The following LOC400499 variants were observed in gnomAD, a reference collection of about 807,000 sequenced individuals.
the LOC400499 span, among the ~76,000 whole-genome samples, chr16:11,417,151 T>C: frequency 6.6e-6 from 1 of 152,084 alleles, no homozygotes; most frequent in East Asian, 1.9e-4. Flanking sequence ...ATGACTTTAT[T>C]TAAAAATAAG....
the LOC400499 span, among the ~76,000 whole-genome samples, chr16:11,489,266 C>T: frequency 6.6e-6 from 1 of 152,190 alleles, no homozygotes; most frequent in Middle Eastern, 3.2e-3. Flanking sequence ...AATCCTAGTT[C>T]CACCATGTAC....
chr16:11,385,541 T>C, the LOC400499 span: 1 of 570,490 alleles, frequency 1.8e-6, no homozygotes, highest in Non-Finnish European at 2.6e-6. Context: ...GAGGCCTGGA[T>C]TCCCCCTCCC....
the LOC400499 span, among the ~76,000 whole-genome samples, chr16:11,522,790 C>T: frequency 2.0e-5 from 3 of 152,088 alleles, no homozygotes; most frequent in African/African-American, 7.2e-5. Context: ...GGTTGTTATT[C>T]TGATCTTTAT....
the LOC400499 span, among the ~76,000 whole-genome samples, chr16:11,519,164 A>C: frequency 6.6e-6 from 1 of 152,148 alleles, no homozygotes; most frequent in African/African-American, 2.4e-5. Context: ...TGAAATAATC[A>C]AGTACCTACA....
the LOC400499 span, among the ~76,000 whole-genome samples, chr16:11,485,953 G>A: frequency 6.6e-6 from 1 of 152,222 alleles, no homozygotes; most frequent in African/African-American, 2.4e-5. Context: ...ACAGATGGGA[G>A]GGTGGGTATG....
chr16:11,491,515 G>C, the LOC400499 span, among the ~76,000 whole-genome samples: 5 of 152,122 alleles, frequency 3.3e-5, no homozygotes, highest in Non-Finnish European at 5.9e-5. Context: ...ATTGCCATGT[G>C]GGGGAGGGGA....
chr16:11,401,203 G>C, the LOC400499 span: 115 of 398,914 alleles, frequency 2.9e-4, no homozygotes, highest in African/African-American at 2.0e-3. Flanking sequence ...CAGCCCCACA[G>C]GCTCAGTCAC....
the LOC400499 span, chr16:11,476,649 C>A: frequency 5.9e-6 from 2 of 341,678 alleles, no homozygotes; most frequent in Non-Finnish European, 4.8e-6. Context: ...TCCCCTTGTG[C>A]ACACGCAGAC....
At chr16:11,460,690 G>A in the LOC400499 span, 1,487 of 1,448,346 alleles carry the variant, frequency 1.0e-3, 4 homozygotes, top group Non-Finnish European at 1.3e-3. Flanking sequence ...GGAGGGCCCG[G>A]CCCAGCCTGG....
the LOC400499 span, among the ~76,000 whole-genome samples, chr16:11,423,838 GC>G: frequency 1.3e-5 from 2 of 152,216 alleles, no homozygotes; most frequent in African/African-American, 2.4e-5. Context: ...CTGCAGCCTG[GC>G]CCATGTGGGC....
At chr16:11,438,415 C>G in the LOC400499 span, among the ~76,000 whole-genome samples, 1 of 152,034 alleles carries the variant, frequency 6.6e-6, no homozygotes, top group East Asian at 1.9e-4. Flanking sequence ...CAGAGCCATT[C>G]TCGGGCTCCA....
At chr16:11,420,296 G>C in the LOC400499 span, among the ~76,000 whole-genome samples, 6 of 151,872 alleles carry the variant, frequency 4.0e-5, no homozygotes, top group African/African-American at 7.3e-5. Flanking sequence ...CCTTTGTAGG[G>C]ACATGGATGA....
the LOC400499 span, among the ~76,000 whole-genome samples, chr16:11,525,879 T>A: frequency 6.6e-6 from 1 of 152,206 alleles, no homozygotes; most frequent in Non-Finnish European, 1.5e-5. Context: ...TAACCAAGGA[T>A]GGGAAAACAC....
chr16:11,517,977 A>C, the LOC400499 span, among the ~76,000 whole-genome samples: 2 of 152,194 alleles, frequency 1.3e-5, no homozygotes, highest in African/African-American at 4.8e-5. Context: ...TCCAGCTCCA[A>C]CTGAAGCCTG....
chr16:11,394,219 C>A, the LOC400499 span, among the ~76,000 whole-genome samples: 1 of 152,228 alleles, frequency 6.6e-6, no homozygotes, highest in Non-Finnish European at 1.5e-5. Context: ...AGGCACTGGG[C>A]AGCTTACCTA....
the LOC400499 span, among the ~76,000 whole-genome samples, chr16:11,527,250 T>C: frequency 6.6e-6 from 1 of 152,158 alleles, no homozygotes; most frequent in African/African-American, 2.4e-5. Flanking sequence ...AGGAATCTTT[T>C]TCCCCAAAGA....
the LOC400499 span, chr16:11,450,869 C>G: frequency 2.4e-5 from 35 of 1,489,300 alleles, no homozygotes; most frequent in East Asian, 7.5e-5. Flanking sequence ...AGAGAGGAAG[C>G]TTCTAGCAGG....
the LOC400499 span, among the ~76,000 whole-genome samples, chr16:11,394,459 T>G: frequency 6.6e-6 from 1 of 152,226 alleles, no homozygotes; most frequent in Non-Finnish European, 1.5e-5. Context: ...CCAAGATCTG[T>G]AAAATGATAC....
At chr16:11,513,460 C>A in the LOC400499 span, among the ~76,000 whole-genome samples, 3 of 151,452 alleles carry the variant, frequency 2.0e-5, no homozygotes, top group East Asian at 5.8e-4. Context: ...GAGATGGAGT[C>A]TTACTCTATC....
Sources: allele counts gnomAD v4.1 joint callset (sites outside exome capture counted in the v4.1 genomes callset), GRCh38; gene constraint gnomAD v4.1.1; transcripts MANE v1.5.